The following ERBB4 variants were observed in gnomAD, a reference collection of about 807,000 sequenced individuals.
ERBB4 encodes erb-b2 receptor tyrosine kinase 4.
A neutral mutation model predicts 158.0 loss-of-function variants in ERBB4; 42 were observed. That is an observed-to-expected ratio of 0.27 (90% confidence interval 0.21 to 0.34). The LOEUF (loss-of-function observed/expected upper bound fraction) is 0.34, where lower values mean the gene tolerates loss of function less well. Among genes scored for constraint, ERBB4 ranks in the 10% least tolerant of loss-of-function variants. The pLI, the probability that ERBB4 is intolerant of heterozygous loss-of-function variation, is 1.00. For missense variants in ERBB4, 1,333 were observed against 1,624.1 expected, an observed-to-expected ratio of 0.82 and a Z score of 3.08; for synonymous variants, 583 against 558.7, an observed-to-expected ratio of 1.04 and a Z score of -0.61.
intron 2 of ERBB4, among the ~76,000 whole-genome samples, chr2:212,046,876 C>T (rs975285864): frequency 1.3e-5 from 2 of 152,116 alleles, no homozygotes; most frequent in Non-Finnish European, 2.9e-5. Flanking sequence ...ACAAGATTTG[C>T]TTTGCTTAAC....
At chr2:211,825,003 G>T (rs1450630215) in intron 3 of ERBB4, among the ~76,000 whole-genome samples, 2 of 151,854 alleles carry the variant, frequency 1.3e-5, no homozygotes, top group African/African-American at 4.8e-5. Flanking sequence ...CTGTTGGAAA[G>T]ATTATTATGA....
chr2:211,721,620 C>CATATATATATATATATATAT (rs71054137), intron 7 of ERBB4, among the ~76,000 whole-genome samples: 1,710 of 131,328 alleles, frequency 0.013, 48 homozygotes, highest in African/African-American at 0.031. Context: ...TGCTATTAAA[C>CATATATATATATATATATAT]ATATATATAT....
intron 2 of ERBB4, among the ~76,000 whole-genome samples, chr2:211,949,227 C>T (rs1283204724): frequency 6.6e-6 from 1 of 152,132 alleles, no homozygotes; most frequent in Non-Finnish European, 1.5e-5. Context: ...GGTGTATTCT[C>T]AATTCAGGCT....
At chr2:212,427,516 TGTAA>T (rs2091939311) in intron 1 of ERBB4, among the ~76,000 whole-genome samples, 2 of 152,150 alleles carry the variant, frequency 1.3e-5, no homozygotes, top group Admixed American at 6.6e-5. Context: ...TGAGAGTGCT[TGTAA>T]GTGTTTCGCA....
chr2:212,056,145 A>G lies in ERBB4; in HGVS notation c.234+68607T>C, dbSNP rs140458968. On this transcript the variant is annotated intron_variant, in intron 2 of 27. Coordinates refer to ENST00000342788, the MANE Select transcript of ERBB4 (RefSeq NM_005235.3). Reference sequence around the variant, plus strand: ...ACGTGACGAATACACAAGCTTCAGTAGCCGATTTGATCAACTGGAAGAAAG... The same window carrying G: ...ACGTGACGAATACACAAGCTTCAGTGGCCGATTTGATCAACTGGAAGAAAG... Among the ~76,000 whole-genome samples the G allele has an allele frequency of 6.7e-3, 1,024 of 152,368 alleles. 10 individuals are homozygous for G. The highest frequency in any genetic ancestry group is 0.023 in the African/African-American group (970 of 41,586).
chr2:211,440,821 C>T (rs2063957162), intron 20 of ERBB4, among the ~76,000 whole-genome samples: 1 of 152,108 alleles, frequency 6.6e-6, no homozygotes, highest in African/African-American at 2.4e-5. Context: ...AAATGTGAAA[C>T]TCCTAGAGCA....
chr2:211,657,889 G>A (rs1406282818), intron 15 of ERBB4, 61 bp from the exon 16 acceptor site: 5 of 1,595,226 alleles, frequency 3.1e-6, no homozygotes, highest in African/African-American at 2.7e-5. Context: ...GCACACACAT[G>A]CACCAGTGCT....
At chr2:211,456,887 C>T (rs1245001847) in intron 20 of ERBB4, among the ~76,000 whole-genome samples, 1 of 152,204 alleles carries the variant, frequency 6.6e-6, no homozygotes, top group Non-Finnish European at 1.5e-5. Context: ...CAGCCCCCTT[C>T]ACCTTCTGCT....
chr2:211,662,562 T>C (rs1260469588), intron 15 of ERBB4, among the ~76,000 whole-genome samples: 1 of 152,126 alleles, frequency 6.6e-6, no homozygotes, highest in Non-Finnish European at 1.5e-5. Context: ...ATATCCAATA[T>C]ACAAAGCTGA....
At position 212,397,443 on chromosome 2, in the gene ERBB4, G is replaced by A. The variant is rs1442643765; in HGVS notation, c.82+141006C>T. 4.6e-5 allele frequency among the ~76,000 whole-genome samples: 7 copies of A among 150,788 alleles called. No homozygotes were observed. The South Asian group carries it at 1.5e-3, about 32-fold the overall frequency. ...AGCCATGATCTTGACACTGCACTCA[G>A]CCTGGGTGACAGAGCAAGCCCCTGT... On this transcript the variant is annotated intron_variant, in intron 1 of 27. Coordinates refer to ENST00000342788, the MANE Select transcript of ERBB4 (RefSeq NM_005235.3).
At chr2:211,438,747 GA>G (rs1320936308) in intron 20 of ERBB4, among the ~76,000 whole-genome samples, 7 of 152,032 alleles carry the variant, frequency 4.6e-5, no homozygotes, top group Non-Finnish European at 1.0e-4. Context: ...TTCAGAGGAA[GA>G]AAAGCAGATT....
chr2:211,540,714 G>C (rs1398607918), intron 20 of ERBB4, among the ~76,000 whole-genome samples: 1 of 145,158 alleles, frequency 6.9e-6, no homozygotes, highest in Admixed American at 7.0e-5. Context: ...TTTAAATCCT[G>C]AATAGGGTCA....
At chr2:212,222,985 A>C (rs558758196) in intron 1 of ERBB4, among the ~76,000 whole-genome samples, 7 of 151,550 alleles carry the variant, frequency 4.6e-5, no homozygotes, top group Non-Finnish European at 8.9e-5. Context: ...AAACTCATTA[A>C]GTGCCTCTTA....
intron 3 of ERBB4, among the ~76,000 whole-genome samples, chr2:211,829,076 T>A (rs980006700): frequency 5.9e-5 from 9 of 152,122 alleles, no homozygotes; most frequent in African/African-American, 2.2e-4. Context: ...TTTCCTTTAC[T>A]TTCATTAGTT....
At chr2:211,586,046 C>A (rs1189943373) in intron 19 of ERBB4, among the ~76,000 whole-genome samples, 4 of 152,146 alleles carry the variant, frequency 2.6e-5, no homozygotes, top group Non-Finnish European at 4.4e-5. Flanking sequence ...TCCATTACCT[C>A]TTCTTCCTAT....
chr2:211,939,773 C>T (rs2080434241), intron 3 of ERBB4, among the ~76,000 whole-genome samples: 1 of 151,816 alleles, frequency 6.6e-6, no homozygotes, highest in Admixed American at 6.6e-5. Flanking sequence ...TGGTGAAATC[C>T]CATCTCTAAT....
At chr2:211,749,863 A>G (rs1442180587) in intron 5 of ERBB4, among the ~76,000 whole-genome samples, 1 of 152,138 alleles carries the variant, frequency 6.6e-6, no homozygotes, top group African/African-American at 2.4e-5. Context: ...TCCATATCAT[A>G]TTTCAGTCAT....
intron 1 of ERBB4, among the ~76,000 whole-genome samples, chr2:212,495,090 G>A (rs148557818): frequency 9.2e-4 from 136 of 148,258 alleles, no homozygotes; most frequent in Admixed American, 4.3e-3. Context: ...CACTTCAGAC[G>A]ACCTCAACTA....
At chr2:211,661,570 G>T (rs2105909346) in intron 15 of ERBB4, among the ~76,000 whole-genome samples, 1 of 152,108 alleles carries the variant, frequency 6.6e-6, no homozygotes, top group African/African-American at 2.4e-5. Flanking sequence ...AACCAACATA[G>T]TTTAGATATT....
Sources: allele counts gnomAD v4.1 joint callset (sites outside exome capture counted in the v4.1 genomes callset), GRCh38; gene constraint gnomAD v4.1.1; transcripts MANE v1.5; gene names NCBI Gene and HGNC (gene_info 2026-07-23, HGNC 2026-07-21).